Variants in PARD3B observed in about 807,000 individuals in gnomAD.
PARD3B encodes partitioning defective 3 homolog B.
In PARD3B, 103 loss-of-function variants were observed where a neutral mutation model predicts 130.2. The observed-to-expected ratio is 0.79, with a 90% CI of 0.67 to 0.93. The LOEUF is 0.93. Ranked by LOEUF, PARD3B falls within the 40% of genes least tolerant of loss-of-function variation. The pLI, the probability that PARD3B is intolerant of heterozygous loss-of-function variation, is 0.00. For synonymous variants in PARD3B, 583 were observed against 553.2 expected, an observed-to-expected ratio of 1.05 and a Z score of -0.76; for missense variants, 1,609 against 1,499.2, an observed-to-expected ratio of 1.07 and a Z score of -1.21.
chr2:204,844,953 G>A (rs2044403749), intron 2 of PARD3B, among the ~76,000 whole-genome samples: 2 of 151,956 alleles, frequency 1.3e-5, no homozygotes, highest in African/African-American at 4.8e-5. Context: ...CTCCCCCACT[G>A]GGCCACATTT....
chr2:205,239,912 C>G (rs1235965894), intron 15 of PARD3B, among the ~76,000 whole-genome samples: 1 of 152,040 alleles, frequency 6.6e-6, no homozygotes, highest in Non-Finnish European at 1.5e-5. Context: ...TCCCTAGCCC[C>G]CTTTTCAGCA....
intron 3 of PARD3B, among the ~76,000 whole-genome samples, chr2:205,010,536 A>G (rs1695631216): frequency 6.6e-6 from 1 of 152,230 alleles, no homozygotes; most frequent in South Asian, 2.1e-4. Flanking sequence ...GAGAGCAAAC[A>G]CTTTCTGAGA....
chr2:204,965,251 G>A lies in PARD3B; in HGVS notation c.322G>A (p.Val108Met). 1 of 1,613,924 alleles carries A rather than the reference G, an allele frequency of 6.2e-7. No individual in the cohort carries two copies. Residue 108 changes from valine (V) to methionine (M), a missense_variant, in exon 3 of 23, where the codon GTG becomes ATG. Val to Met is a conservative substitution (Grantham distance 21, BLOSUM62 1). Transcript: ENST00000406610. ...GAGCCCAGATGCTTTTGAGACAGAAGTGGCCGCCCAACTGGCCGCATTTAA... is the reference window on the plus strand; with the variant it reads ...GAGCCCAGATGCTTTTGAGACAGAAATGGCCGCCCAACTGGCCGCATTTAA... Reference protein sequence around the residue: ...RQSPDAFETEVAAQLAAFKPI... With the variant: ...RQSPDAFETEMAAQLAAFKPI...
chr2:204,951,412 C>A (rs1373798598), intron 2 of PARD3B, among the ~76,000 whole-genome samples: 2 of 152,116 alleles, frequency 1.3e-5, no homozygotes, highest in African/African-American at 4.8e-5. Context: ...TACCTAAAAT[C>A]GTCCTGCCAG....
intron 3 of PARD3B, among the ~76,000 whole-genome samples, chr2:205,006,666 T>C (rs897266550): frequency 2.6e-5 from 4 of 152,158 alleles, no homozygotes; most frequent in Admixed American, 2.6e-4. Flanking sequence ...ATTATTTGTT[T>C]TCTTCTTGCT....
intron 16 of PARD3B, among the ~76,000 whole-genome samples, chr2:205,264,103 A>G (rs1366669526): frequency 1.3e-5 from 2 of 150,990 alleles, no homozygotes; most frequent in Non-Finnish European, 3.0e-5. Context: ...GAAGAAAGGT[A>G]GTGCCTTTAA....
chr2:205,598,229 CACA>C (rs1271720734), intron 22 of PARD3B, among the ~76,000 whole-genome samples: 1 of 152,232 alleles, frequency 6.6e-6, no homozygotes, highest in South Asian at 2.1e-4. Context: ...CCCTCTTACA[CACA>C]ACAACACCTA....
rs1045896669 is a variant in PARD3B, at chr2:205,187,910, T to G, written c.2024+2047T>G. Among the ~76,000 whole-genome samples the G allele has an allele frequency of 6.6e-6, 1 of 152,216 alleles. No individual in the cohort carries two copies. ...GACGTTGTCTTAGACTTCATTCTTC[T>G]TTTCCACTCTGCAGTATTTGGTTAT... On this transcript the variant is annotated intron_variant, in intron 14 of 22. Transcript: ENST00000406610. This position sits in a 1 kb window ranked among gnomAD's most constrained non-coding sequence, Gnocchi z 4.9.
chr2:204,954,522 TGTA>T (rs1253277626), intron 2 of PARD3B, among the ~76,000 whole-genome samples: 2 of 152,208 alleles, frequency 1.3e-5, no homozygotes, highest in African/African-American at 4.8e-5. Context: ...TCTGGTGAAA[TGTA>T]GTACCAATTA....
At chr2:205,602,261 C>T (rs760924703) in intron 22 of PARD3B, among the ~76,000 whole-genome samples, 1 of 152,046 alleles carries the variant, frequency 6.6e-6, no homozygotes, top group African/African-American at 2.4e-5. Context: ...TTTGATGTGT[C>T]GCTGGATTTG....
intron 20 of PARD3B, among the ~76,000 whole-genome samples, chr2:205,445,106 G>A (rs1271524508): frequency 6.6e-6 from 1 of 152,160 alleles, no homozygotes; most frequent in Non-Finnish European, 1.5e-5. Flanking sequence ...AGAGAATTCA[G>A]AGACTGTCTA....
chr2:205,057,658 TAC>T lies in PARD3B; in HGVS notation c.504+9970_504+9971del, dbSNP rs1491033838. ...ATACATATATGTGTATGTGTATACG[TAC>T]ATATACATATATGTGTATGTGTATA... On this transcript the variant is annotated intron_variant, in intron 4 of 22. Transcript: ENST00000406610. Among the ~76,000 whole-genome samples the T allele has an allele frequency of 3.4e-3, 102 of 30,410 alleles. 4 individuals are homozygous for T. The highest frequency in any genetic ancestry group is 0.017 in the Middle Eastern group (1 of 60). The allele number at this position is 30,410 out of a possible 152,430, so 20.0% of individuals were successfully genotyped here.
At chr2:205,363,832 C>CTTTTT (rs59271830) in intron 18 of PARD3B, among the ~76,000 whole-genome samples, 1 of 97,202 alleles carries the variant, frequency 1.0e-5, no homozygotes, top group Non-Finnish European at 1.8e-5. Flanking sequence ...GCCTGACTGA[C>CTTTTT]TTTTTTTTTT....
chr2:204,651,012 C>T (rs1283130588), intron 1 of PARD3B, among the ~76,000 whole-genome samples: 1 of 152,082 alleles, frequency 6.6e-6, no homozygotes, highest in Non-Finnish European at 1.5e-5. Context: ...CAGTCACCTC[C>T]CACCAGGTCT....
intron 22 of PARD3B, among the ~76,000 whole-genome samples, chr2:205,576,498 T>C (rs1341195440): frequency 6.6e-6 from 1 of 152,204 alleles, no homozygotes. Flanking sequence ...GTGTCTAGAT[T>C]CATTTTTTGC....
At chr2:204,602,990 A>G (rs2033575386) in intron 1 of PARD3B, among the ~76,000 whole-genome samples, 1 of 152,106 alleles carries the variant, frequency 6.6e-6, no homozygotes, top group Non-Finnish European at 1.5e-5. Flanking sequence ...TAATTGAAAT[A>G]AACCCCTTGT....
rs186194684 is a variant in PARD3B at position 204,896,060 on chromosome 2, G to T, written c.223-69092G>T. On this transcript the variant is annotated intron_variant, in intron 2 of 22. Transcript: ENST00000406610. ...AGCACTTTGGTTTTGGAATGTACAGGTTCTCTACTCAGACTTCCCTTAAAC... is the reference window on the plus strand; with the variant it reads ...AGCACTTTGGTTTTGGAATGTACAGTTTCTCTACTCAGACTTCCCTTAAAC... Among the ~76,000 whole-genome samples the T allele has an allele frequency of 3.0e-4, 46 of 152,190 alleles. 1 individual carries two copies. The East Asian group carries it at 6.6e-3, about 22-fold the overall frequency.
intron 2 of PARD3B, among the ~76,000 whole-genome samples, chr2:204,856,772 C>A (rs1439846328): frequency 6.6e-6 from 1 of 151,970 alleles, no homozygotes; most frequent in Admixed American, 6.6e-5. Context: ...ATTTTCCCAC[C>A]ACCATTTATT....
chr2:205,346,200 TAAA>T (rs1349924697), intron 18 of PARD3B, among the ~76,000 whole-genome samples: 3 of 149,292 alleles, frequency 2.0e-5, no homozygotes, highest in African/African-American at 7.4e-5. Flanking sequence ...AATAAATAAA[TAAA>T]TAAATAAATA....
Sources: allele counts gnomAD v4.1 joint callset (sites outside exome capture counted in the v4.1 genomes callset), GRCh38; gene constraint gnomAD v4.1.1; non-coding constraint Gnocchi (gnomAD v3.1); transcripts MANE v1.5; gene names NCBI Gene and HGNC (gene_info 2026-07-23, HGNC 2026-07-21).